The following PRKCE variants were observed in gnomAD, a reference collection of about 807,000 sequenced individuals.
The protein encoded by PRKCE is protein kinase C epsilon.
A neutral mutation model predicts 85.4 loss-of-function variants in PRKCE; 16 were observed. The ratio of observed to expected loss-of-function variants is 0.19; its 90% CI spans 0.13 to 0.28. The LOEUF is 0.28. Among genes scored for constraint, PRKCE ranks in the 10% least tolerant of loss-of-function variants. The pLI, the probability that PRKCE is intolerant of heterozygous loss-of-function variation, is 1.00. For missense variants in PRKCE, 573 were observed against 975.2 expected, an observed-to-expected ratio of 0.59 and a Z score of 5.49; for synonymous variants, 388 against 371.5, an observed-to-expected ratio of 1.04 and a Z score of -0.51.
At chr2:45,912,732 T>G (rs1697474906) in intron 2 of PRKCE, among the ~76,000 whole-genome samples, 1 of 152,182 alleles carries the variant, frequency 6.6e-6, no homozygotes, top group Non-Finnish European at 1.5e-5. Context: ...TGGAGGCTTC[T>G]AACACAGTAG....
rs144519545 is a variant in PRKCE at position 45,975,409 on chromosome 2, C to T, written c.413-1020C>T. Among the ~76,000 whole-genome samples, 35 of 152,194 alleles carry T rather than the reference C, an allele frequency of 2.3e-4. No homozygotes were observed. In the South Asian group the frequency reaches 6.2e-3, roughly 27 times the overall value. ...AAGGTGGACATCCAAGATCAGGGAG[C>T]CAGTATGGGTGGGATCTGCTGAGGG... On this transcript the variant is annotated intron_variant, in intron 2 of 14. Coordinates refer to ENST00000306156, the MANE Select transcript of PRKCE (RefSeq NM_005400.3).
At position 46,151,249 on chromosome 2, in the gene PRKCE, C is replaced by T. The variant is rs1312453163; in HGVS notation, c.1920+20C>T. On this transcript the variant is annotated intron_variant, in intron 13 of 14. Transcript: ENST00000306156. ...AAAGCTGTGAGTCACTGCCCCTCAC[C>T]CATGGCTGTGCTCTCCTGGGCTCCT... 1 of 1,573,222 alleles carries T rather than the reference C, an allele frequency of 6.4e-7. No homozygotes were observed. The highest frequency in any genetic ancestry group is 1.4e-5 in the African/African-American group (1 of 73,430).
chr2:45,651,913 G>A lies in PRKCE; in HGVS notation c.-188G>A, dbSNP rs1299198258. 3 of 494,124 alleles carry A rather than the reference G, an allele frequency of 6.1e-6. No individual in the cohort carries two copies. Among genetic ancestry groups the A allele is most frequent in the Non-Finnish European group, 1.1e-5 (3 of 282,024 alleles). 30.6% of individuals were successfully genotyped at this position (494,124 alleles called of 1,614,324 possible). A position where few individuals can be genotyped will look rare whatever the true frequency, so the allele number is the denominator to read the frequency against. Reference sequence around the variant, plus strand: ...CCCTGTTTTCCGTTAGGAACCCGGCGAGGAAATACATGCACTGGCTGAGAA... The same window carrying A: ...CCCTGTTTTCCGTTAGGAACCCGGCAAGGAAATACATGCACTGGCTGAGAA... On this transcript the variant is annotated 5_prime_UTR_variant, in exon 1 of 15. Transcript: ENST00000306156.
At chr2:46,053,791 A>G (rs1480256331) in intron 10 of PRKCE, among the ~76,000 whole-genome samples, 1 of 152,016 alleles carries the variant, frequency 6.6e-6, no homozygotes, top group Non-Finnish European at 1.5e-5. Context: ...TTGCTTCTGC[A>G]TTTTTGCAAT....
intron 10 of PRKCE, among the ~76,000 whole-genome samples, chr2:46,032,201 A>T (rs531812985): frequency 6.6e-6 from 1 of 152,074 alleles, no homozygotes; most frequent in East Asian, 1.9e-4. Flanking sequence ...CTTTATCTTC[A>T]TGGTGCTTTT....
intron 1 of PRKCE, among the ~76,000 whole-genome samples, chr2:45,839,213 C>T (rs907340108): frequency 8.6e-5 from 13 of 152,028 alleles, no homozygotes; most frequent in South Asian, 2.1e-4. Context: ...ACCCATTTCA[C>T]GGATGAAGAG....
chr2:45,700,987 C>G (rs187926416), intron 1 of PRKCE, among the ~76,000 whole-genome samples: 1 of 152,152 alleles, frequency 6.6e-6, no homozygotes, highest in African/African-American at 2.4e-5. Context: ...TGTGGCCTTG[C>G]TAACACCTTG....
intron 2 of PRKCE, among the ~76,000 whole-genome samples, chr2:45,873,209 G>T (rs921573095): frequency 6.6e-6 from 1 of 152,212 alleles, no homozygotes; most frequent in African/African-American, 2.4e-5. Flanking sequence ...GCTTAAGACA[G>T]TCCATGAACT....
chr2:45,845,306 G>A (rs747721622), intron 2 of PRKCE: 6 of 151,892 alleles, frequency 4.0e-5, no homozygotes, highest in South Asian at 2.1e-4. Context: ...CCTAAACCAC[G>A]TGAGATGGGT....
intron 1 of PRKCE, among the ~76,000 whole-genome samples, chr2:45,821,044 C>A (rs918370313): frequency 2.6e-5 from 4 of 152,088 alleles, no homozygotes; most frequent in Non-Finnish European, 5.9e-5. Flanking sequence ...GTCAGGGGAG[C>A]CAAGCCTGGG....
chr2:45,938,960 G>A (rs1262198968), intron 2 of PRKCE, among the ~76,000 whole-genome samples: 1 of 152,116 alleles, frequency 6.6e-6, no homozygotes, highest in African/African-American at 2.4e-5. Context: ...TCTTGCGGCT[G>A]AGTCAACACT....
intron 1 of PRKCE, among the ~76,000 whole-genome samples, chr2:45,791,365 G>A (rs945143826): frequency 1.3e-5 from 2 of 152,168 alleles, no homozygotes; most frequent in African/African-American, 2.4e-5. Flanking sequence ...GTGAGCACGT[G>A]GGGGTCCTGG....
intron 11 of PRKCE, among the ~76,000 whole-genome samples, chr2:46,096,346 C>T (rs766670038): frequency 7.2e-5 from 11 of 152,160 alleles, no homozygotes; most frequent in East Asian, 1.9e-4. Flanking sequence ...GTTGGCTAAA[C>T]GGAGAACACA....
At chr2:45,731,248 G>A (rs575633388) in intron 1 of PRKCE, among the ~76,000 whole-genome samples, 174 of 152,218 alleles carry the variant, frequency 1.1e-3, no homozygotes, top group South Asian at 2.7e-3. Flanking sequence ...CACAGTTTTT[G>A]CCTATGACAA....
At chr2:45,692,264 C>G (rs1482536888) in intron 1 of PRKCE, among the ~76,000 whole-genome samples, 2 of 152,204 alleles carry the variant, frequency 1.3e-5, no homozygotes. Context: ...CTTCTGGAAA[C>G]TAGAAGTCCT....
intron 2 of PRKCE, among the ~76,000 whole-genome samples, chr2:45,859,040 C>CTAAA (rs3045334): frequency 0.011 from 1,473 of 135,418 alleles, 9 homozygotes; most frequent in African/African-American, 0.012. Context: ...GACTCCATCT[C>CTAAA]TAAATAAATA....
chr2:45,831,309 CA>C (rs2105397996), intron 1 of PRKCE, among the ~76,000 whole-genome samples: 1 of 152,248 alleles, frequency 6.6e-6, no homozygotes, highest in African/African-American at 2.4e-5. Context: ...AATGTATACA[CA>C]AAACATGGAA....
At chr2:45,760,831 A>G (rs1684409986) in intron 1 of PRKCE, among the ~76,000 whole-genome samples, 1 of 152,032 alleles carries the variant, frequency 6.6e-6, no homozygotes, top group African/African-American at 2.4e-5. Flanking sequence ...TGGGTATCGG[A>G]TTTGGTGCTG....
chr2:45,949,077 T>G (rs1261743378), intron 2 of PRKCE, among the ~76,000 whole-genome samples: 1 of 152,360 alleles, frequency 6.6e-6, no homozygotes, highest in African/African-American at 2.4e-5. Flanking sequence ...GTTGCATGTG[T>G]CTCCTTGGGT....
Sources: gnomAD v4.1 joint callset for allele counts (sites outside exome capture counted in the v4.1 genomes callset) on GRCh38, gnomAD v4.1.1 for gene constraint, MANE v1.5 for transcripts, NCBI Gene and HGNC (gene_info 2026-07-23, HGNC 2026-07-21) for gene names.